Variants in SH3RF2 observed in about 807,000 individuals in gnomAD.
SH3RF2 encodes E3 ubiquitin-protein ligase SH3RF2.
Under a neutral mutation model 59.0 loss-of-function variants are expected in SH3RF2, and 43 were observed. That is an observed-to-expected ratio of 0.73 (90% confidence interval 0.57 to 0.94). The LOEUF (loss-of-function observed/expected upper bound fraction) is 0.94. Ranked by LOEUF, SH3RF2 falls within the 40% of genes least tolerant of loss-of-function variation. The pLI is 0.00. For missense variants in SH3RF2, 930 were observed against 940.1 expected (o/e 0.99, Z 0.14); for synonymous variants, 391 against 391.5 (o/e 1.00, Z 0.01).
chr5:146,070,615 C>G (rs947692533), intron 9 of SH3RF2, among the ~76,000 whole-genome samples: 1 of 152,204 alleles, frequency 6.6e-6, no homozygotes, highest in African/African-American at 2.4e-5. Context: ...TGTCCTCACT[C>G]TAAATGATAC....
In SH3RF2 at chr5:145,972,268, C is replaced by A. The variant is rs115054734; in HGVS notation, c.379-27790C>A. On this transcript the variant is annotated intron_variant, in intron 2 of 9. Transcript: ENST00000359120. ...AAAATTAAAGAAAGAAAAGGAAGGT[C>A]ATGCCCTTAACTACAATAGGTGAAG... Among the ~76,000 whole-genome samples, 1,151 of 152,218 alleles carry A rather than the reference C, an allele frequency of 7.6e-3. 15 individuals are homozygous for A. Among genetic ancestry groups the A allele is most frequent in the African/African-American group, 0.026 (1,089 of 41,542 alleles).
chr5:146,059,344 TTC>T (rs1762797032), intron 8 of SH3RF2, among the ~76,000 whole-genome samples: 1 of 151,776 alleles, frequency 6.6e-6, no homozygotes. Flanking sequence ...TGCCTAAAGC[TTC>T]TGTCAAGATT....
intron 9 of SH3RF2, among the ~76,000 whole-genome samples, chr5:146,069,811 C>A (rs559580890): frequency 6.6e-6 from 1 of 151,926 alleles, no homozygotes; most frequent in African/African-American, 2.4e-5. Flanking sequence ...TGGGCTCTAC[C>A]GATCTGCCTG....
At chr5:146,072,222 C>T (rs1561776784) in intron 9 of SH3RF2, among the ~76,000 whole-genome samples, 1 of 152,090 alleles carries the variant, frequency 6.6e-6, no homozygotes, top group Non-Finnish European at 1.5e-5. Context: ...AAAGTGGGAA[C>T]AATAATCAGC....
intron 5 of SH3RF2, among the ~76,000 whole-genome samples, chr5:146,041,836 C>G (rs974309711): frequency 6.6e-6 from 1 of 152,084 alleles, no homozygotes; most frequent in Admixed American, 6.6e-5. Flanking sequence ...GAGGCTGAGG[C>G]GGGAGGATCG....
chr5:145,939,086 C>T (rs1008608807), intron 2 of SH3RF2, among the ~76,000 whole-genome samples: 29 of 152,222 alleles, frequency 1.9e-4, no homozygotes, highest in Admixed American at 1.8e-3. Context: ...AAGCACACCC[C>T]GAGGACTTTA....
chr5:146,059,448 GT>G (rs1220040151), intron 8 of SH3RF2, among the ~76,000 whole-genome samples: 1 of 151,778 alleles, frequency 6.6e-6, no homozygotes, highest in Non-Finnish European at 1.5e-5. Context: ...TCTCCTTTGT[GT>G]TTCTCAATGT....
chr5:146,018,043 G>A (rs528969901), intron 5 of SH3RF2, among the ~76,000 whole-genome samples: 2 of 152,174 alleles, frequency 1.3e-5, no homozygotes, highest in Admixed American at 6.5e-5. Flanking sequence ...TTTACCAAAC[G>A]GGAAAACTCT....
chr5:146,008,600 C>T (rs923154272), intron 4 of SH3RF2, among the ~76,000 whole-genome samples: 7 of 152,208 alleles, frequency 4.6e-5, no homozygotes, highest in South Asian at 4.2e-4. Context: ...TCTGGCACTT[C>T]GAAATAGCAG....
At chr5:145,959,963 C>T (rs1489095493) in intron 2 of SH3RF2, among the ~76,000 whole-genome samples, 4 of 152,162 alleles carry the variant, frequency 2.6e-5, no homozygotes, top group African/African-American at 9.7e-5. Context: ...ATTAACAAAA[C>T]CTAGATCCCT....
rs145223341 is a variant in SH3RF2 at position 145,938,182 on chromosome 5, G to A, written c.254G>A (p.Gly85Glu). The A allele has an allele frequency of 1.9e-6, 3 of 1,613,956 alleles. No individual in the cohort carries two copies. The highest frequency in any genetic ancestry group is 1.3e-5 in the African/African-American group (1 of 74,950). The change falls in exon 2 of 10, where the codon GGG (glycine) becomes GAG (glutamate). Residue 85 changes from glycine to glutamate, a missense_variant. Gly to Glu is a moderately conservative substitution (Grantham distance 98). Transcript: ENST00000359120. ...GVRSGQSSGR[G>E]GSFRRPGTMT... ...CGCTCAGGGCAGAGCTCCGGGAGAGGGGGCTCCTTCCGCAGGCCTGGCACG... is the reference window on the plus strand; with the variant it reads ...CGCTCAGGGCAGAGCTCCGGGAGAGAGGGCTCCTTCCGCAGGCCTGGCACG...
chr5:145,974,463 G>A (rs945101283), intron 2 of SH3RF2, among the ~76,000 whole-genome samples: 2 of 152,080 alleles, frequency 1.3e-5, no homozygotes, highest in African/African-American at 4.8e-5. Flanking sequence ...GGAAAGGAAG[G>A]AAAAGAAGAG....
At chr5:145,945,372 A>T (rs61652171) in intron 2 of SH3RF2, among the ~76,000 whole-genome samples, 7,263 of 152,284 alleles carry the variant, frequency 0.048, 549 homozygotes, top group African/African-American at 0.17. Flanking sequence ...ATCAAAGTAG[A>T]CACTTAAACT....
chr5:146,032,994 C>A (rs892158276), intron 5 of SH3RF2, among the ~76,000 whole-genome samples: 1 of 152,198 alleles, frequency 6.6e-6, no homozygotes, highest in African/African-American at 2.4e-5. Flanking sequence ...GCTGAGAGGA[C>A]AGGCTCTGAA....
At chr5:145,968,594 CA>C (rs1442596524) in intron 2 of SH3RF2, among the ~76,000 whole-genome samples, 1 of 151,970 alleles carries the variant, frequency 6.6e-6, no homozygotes, top group Non-Finnish European at 1.5e-5. Flanking sequence ...TGAGTAGCCA[CA>C]TTAAAAAAAG....
intron 3 of SH3RF2, among the ~76,000 whole-genome samples, chr5:146,002,535 A>AGGAAGGAAGGAG (rs1405378041): frequency 8.4e-5 from 12 of 143,254 alleles, no homozygotes; most frequent in African/African-American, 2.7e-4. Flanking sequence ...GAAGGAAGGA[A>AGGAAGGAAGGAG]GGATAACCTA....
chr5:146,079,953 C>T (rs1763397681), exon 10 of SH3RF2: 1 of 152,196 alleles, frequency 6.6e-6, no homozygotes, highest in East Asian at 1.9e-4. Flanking sequence ...ACCACCACTC[C>T]TAATTTTTGC....
At position 145,937,937 on chromosome 5, in the gene SH3RF2, T is replaced by C. The variant is rs1310886101; in HGVS notation, c.9T>C (p.Asp3=). The change falls in exon 2 of 10, where the codon GAT becomes GAC. Residue 3 remains aspartate, a synonymous_variant. Transcript: ENST00000359120. The part of the protein sequence containing the change: MD[D]LTLLDLLECP... ...TGGAGTTTTGAAATAAAATGGATGATTTGACGTTACTTGATCTTCTGGAGT... is the reference window on the plus strand; with the variant it reads ...TGGAGTTTTGAAATAAAATGGATGACTTGACGTTACTTGATCTTCTGGAGT... 6.2e-7 allele frequency: 1 copy of C among 1,612,634 alleles called. No homozygotes were observed. Among genetic ancestry groups the C allele is most frequent in the Admixed American group, 1.7e-5 (1 of 59,896 alleles).
chr5:146,026,472 G>A (rs983942602), intron 5 of SH3RF2, among the ~76,000 whole-genome samples: 14 of 152,170 alleles, frequency 9.2e-5, no homozygotes, highest in South Asian at 2.1e-4. Flanking sequence ...AGTATTATGT[G>A]CGTTAATTGG....
Sources: gnomAD v4.1 joint callset for allele counts (sites outside exome capture counted in the v4.1 genomes callset) on GRCh38, gnomAD v4.1.1 for gene constraint, MANE v1.5 for transcripts, NCBI Gene and HGNC (gene_info 2026-07-23, HGNC 2026-07-21) for gene names.